ANKFY1: variants seen among roughly 807,000 people sequenced by gnomAD.
ANKFY1 encodes ankyrin repeat and FYVE domain-containing protein 1.
Under a neutral mutation model 128.3 loss-of-function variants are expected in ANKFY1, and 47 were observed. That is an observed-to-expected ratio of 0.37 (90% CI 0.29 to 0.47). The LOEUF (loss-of-function observed/expected upper bound fraction) is 0.47, where lower values mean the gene tolerates loss of function less well. Ranked by LOEUF, ANKFY1 falls within the 20% of genes least tolerant of loss-of-function variation. The probability of loss-of-function intolerance (pLI) is 1.00; values close to 1 mark genes in which losing one functional copy is unlikely to be tolerated. For missense variants in ANKFY1, 1,222 were observed against 1,510.6 expected (o/e 0.81, Z 3.17); for synonymous variants, 553 against 601.6 (o/e 0.92, Z 1.18).
intron 1 of ANKFY1, among the ~76,000 whole-genome samples, chr17:4,261,999 C>G (rs367801551): frequency 1.3e-5 from 2 of 152,322 alleles, no homozygotes; most frequent in East Asian, 3.9e-4. Context: ...AAAGTTTCCC[C>G]CTCCAGGGAT....
intron 3 of ANKFY1, among the ~76,000 whole-genome samples, chr17:4,231,282 G>T (rs1567964284): frequency 2.0e-5 from 3 of 152,284 alleles, no homozygotes; most frequent in South Asian, 2.1e-4. Context: ...GATCATCTGA[G>T]CCCAGGAGTT....
At chr17:4,255,835 G>C (rs1170718497) in intron 1 of ANKFY1, among the ~76,000 whole-genome samples, 1 of 137,184 alleles carries the variant, frequency 7.3e-6, no homozygotes. Context: ...TTTTTCTTTT[G>C]AAACGGAGTC....
intron 2 of ANKFY1, among the ~76,000 whole-genome samples, chr17:4,240,409 T>TA (rs10672147): frequency 1.3e-5 from 2 of 151,150 alleles, no homozygotes; most frequent in African/African-American, 4.9e-5. Flanking sequence ...TTTATTTTTT[T>TA]AAGACAGGGT....
At chr17:4,244,106 T>C (rs559038901) in intron 1 of ANKFY1, among the ~76,000 whole-genome samples, 1 of 152,248 alleles carries the variant, frequency 6.6e-6, no homozygotes, top group African/African-American at 2.4e-5. Context: ...AATTTTTGTA[T>C]TTTTAGTAGA....
intron 24 of ANKFY1, 194 bp from the exon 25 acceptor site, chr17:4,168,105 TC>T: frequency 2.0e-6 from 1 of 496,904 alleles, no homozygotes; most frequent in East Asian, 3.4e-5. Flanking sequence ...CTCTAGTCAA[TC>T]ATCAAGTTAA....
At chr17:4,216,916 G>A in intron 4 of ANKFY1, 67 bp downstream of exon 4, 2 of 1,604,898 alleles carry the variant, frequency 1.2e-6, no homozygotes, top group Non-Finnish European at 1.7e-6. Flanking sequence ...TGTTTTCCCA[G>A]AGCTCGGCAT....
chr17:4,253,159 T>C (rs530783409), intron 1 of ANKFY1, among the ~76,000 whole-genome samples: 2 of 152,220 alleles, frequency 1.3e-5, no homozygotes, highest in African/African-American at 2.4e-5. Context: ...AGGCAGAGGA[T>C]GCAGTGAGCT....
chr17:4,182,863 T>C (rs1342901849), intron 14 of ANKFY1, among the ~76,000 whole-genome samples: 1 of 152,124 alleles, frequency 6.6e-6, no homozygotes, highest in Non-Finnish European at 1.5e-5. Context: ...CCCAGCACTT[T>C]GGGAGGCCGA....
At position 4,167,639 on chromosome 17, in the gene ANKFY1, C is replaced by T. The variant is rs1190737764; in HGVS notation, c.*140G>A. On this transcript the variant is annotated 3_prime_UTR_variant, in exon 25 of 25. Transcript: ENST00000341657. This position sits in a 1 kb window ranked among gnomAD's most constrained non-coding sequence, Gnocchi z 4.1. ...GAATCATTTGAAATGGGATCTATCA[C>T]ACCATGGTCCTTAATCGTTCCAGTC... The T allele has an allele frequency of 2.2e-5, 17 of 774,162 alleles. No homozygotes were observed. The highest frequency in any genetic ancestry group is 2.9e-5 in the Non-Finnish European group (15 of 518,206). 48.0% of individuals were successfully genotyped at this position (774,162 alleles called of 1,614,324 possible).
In ANKFY1 at chr17:4,179,072, AC is replaced by A. The variant is rs768296184; in HGVS notation, c.2398-16del. On this transcript the variant is annotated splice_polypyrimidine_tract_variant and intron_variant, in intron 17 of 24. Transcript: ENST00000341657. ...CCTTCTGCATCCTATGGAACAAGGC[AC>A]AGAATTTAATGTTCAATTGCAAGAT... 3 of 1,613,192 alleles carry A rather than the reference AC, an allele frequency of 1.9e-6. No homozygotes were observed. The highest frequency in any genetic ancestry group is 2.5e-6 in the Non-Finnish European group (3 of 1,179,366).
rs1250259952 is a variant in ANKFY1 at position 4,207,129 on chromosome 17, G to A, written c.733-643C>T. Among the ~76,000 whole-genome samples the A allele has an allele frequency of 3.3e-5, 5 of 152,054 alleles. No individual in the cohort carries two copies. The East Asian group carries it at 7.7e-4, about 23-fold the overall frequency. Reference sequence around the variant, plus strand: ...CGACCTATCTAACCACAGAGGGCCCGACCCATCTAACCACAGAGGGCCCGA... The same window carrying A: ...CGACCTATCTAACCACAGAGGGCCCAACCCATCTAACCACAGAGGGCCCGA... On this transcript the variant is annotated intron_variant, in intron 6 of 24. Transcript: ENST00000341657.
At chr17:4,191,955 T>A (rs1422639777) in intron 10 of ANKFY1, among the ~76,000 whole-genome samples, 2 of 61,780 alleles carry the variant, frequency 3.2e-5, no homozygotes, top group Non-Finnish European at 7.7e-5. Context: ...TGATGGTTGC[T>A]CTAATCTGGA....
chr17:4,231,390 G>A (rs1276528973), intron 3 of ANKFY1, among the ~76,000 whole-genome samples: 1 of 152,096 alleles, frequency 6.6e-6, no homozygotes, highest in Non-Finnish European at 1.5e-5. Flanking sequence ...TTGAGAGGCT[G>A]AGGTGGGAGG....
In ANKFY1 at chr17:4,205,709, T is replaced by C. The variant is rs137864014; in HGVS notation, c.898+612A>G. On this transcript the variant is annotated intron_variant, in intron 7 of 24. Transcript: ENST00000341657. ...GTGAGCCAAGATCGCACCACTGCACTCCAGCCTGGGCGACAGAACAAGACT... is the reference window on the plus strand; with the variant it reads ...GTGAGCCAAGATCGCACCACTGCACCCCAGCCTGGGCGACAGAACAAGACT... 3.2e-3 allele frequency among the ~76,000 whole-genome samples: 477 copies of C among 148,442 alleles called. 2 individuals carry two copies. Among genetic ancestry groups the C allele is most frequent in the African/African-American group, 0.011 (437 of 40,274 alleles).
chr17:4,168,204 G>A (rs1434172424), intron 24 of ANKFY1: 1 of 204,270 alleles, frequency 4.9e-6, no homozygotes. Flanking sequence ...TGTAATCCCA[G>A]CACTTTGGAA....
chr17:4,190,444 G>GA (rs796613927), intron 10 of ANKFY1, among the ~76,000 whole-genome samples: 52 of 133,192 alleles, frequency 3.9e-4, no homozygotes, highest in South Asian at 9.5e-4. Flanking sequence ...CTGTCTCAAA[G>GA]AAAAAAAAAA....
chr17:4,189,404 T>C lies in ANKFY1; in HGVS notation c.1448A>G (p.His483Arg). The change falls in exon 11 of 25, where the codon CAT (histidine) becomes CGT (arginine). Residue 483 changes from histidine (H) to arginine (R), a missense_variant. By Grantham distance (29) the His-to-Arg change is conservative (BLOSUM62 0). Coordinates refer to ENST00000341657, the MANE Select transcript of ANKFY1 (RefSeq NM_001330063.2). ...TACCCACTTGTTTCTGTGGTTGACA[T>C]GGGCACCGTTGGTTGCCAGGAAAAG... ...AALFLATNGA[H>R]VNHRNKWGET... 1.9e-6 allele frequency: 3 copies of C among 1,588,560 alleles called. No homozygotes were observed. The highest frequency in any genetic ancestry group is 1.7e-6 in the Non-Finnish European group (2 of 1,164,448).
chr17:4,238,806 C>A (rs978203992), intron 2 of ANKFY1, among the ~76,000 whole-genome samples: 6 of 151,726 alleles, frequency 4.0e-5, no homozygotes, highest in Admixed American at 6.6e-5. Context: ...ATCCCCCAGG[C>A]TGGAGTGCAG....
chr17:4,259,886 T>C (rs925394522), intron 1 of ANKFY1, among the ~76,000 whole-genome samples: 1 of 152,178 alleles, frequency 6.6e-6, no homozygotes, highest in Non-Finnish European at 1.5e-5. Flanking sequence ...TCTAATGAGA[T>C]GACAACTGAA....
Sources: gnomAD v4.1 joint callset for allele counts (sites outside exome capture counted in the v4.1 genomes callset) on GRCh38, gnomAD v4.1.1 for gene constraint, Gnocchi (gnomAD v3.1) non-coding constraint, MANE v1.5 for transcripts, NCBI Gene and HGNC (gene_info 2026-07-23, HGNC 2026-07-21) for gene names.